RANBP17: variants seen among roughly 807,000 people sequenced by gnomAD.
RANBP17 encodes the protein RAN binding protein 17, also known as ran-binding protein 17.
Under a neutral mutation model 141.2 loss-of-function variants are expected in RANBP17, and 158 were observed. The ratio of observed to expected loss-of-function variants is 1.12; its 90% CI spans 0.98 to 1.28. RANBP17 has a LOEUF of 1.28. Ranked by LOEUF, RANBP17 falls within the 50% of genes most tolerant of loss-of-function variation. RANBP17 has a pLI of 0.00. For synonymous variants in RANBP17, 430 were observed against 450.0 expected, an observed-to-expected ratio of 0.96 and a Z score of 0.56; for missense variants, 1,438 against 1,290.7, an observed-to-expected ratio of 1.11 and a Z score of -1.75.
At chr5:170,929,024 T>C (rs1398539891) in intron 12 of RANBP17, among the ~76,000 whole-genome samples, 1 of 152,086 alleles carries the variant, frequency 6.6e-6, no homozygotes, top group Non-Finnish European at 1.5e-5. Flanking sequence ...CCTATGTATT[T>C]TTGATGCTAT....
intron 22 of RANBP17, among the ~76,000 whole-genome samples, chr5:171,222,776 AC>A (rs1763650330): frequency 1.3e-5 from 2 of 152,090 alleles, no homozygotes; most frequent in African/African-American, 4.8e-5. Flanking sequence ...GGTTATAGGC[AC>A]GCCACCACGC....
intron 18 of RANBP17, among the ~76,000 whole-genome samples, chr5:171,186,370 G>A (rs184698469): frequency 9.2e-5 from 14 of 152,116 alleles, no homozygotes; most frequent in Non-Finnish European, 1.8e-4. Flanking sequence ...TTAGGTTATG[G>A]AGGCATCATC....
intron 24 of RANBP17, among the ~76,000 whole-genome samples, chr5:171,256,544 T>C (rs1233722265): frequency 1.3e-5 from 2 of 151,748 alleles, no homozygotes; most frequent in East Asian, 3.9e-4. Context: ...AAATTAGCAG[T>C]AGAAAAGAAA....
intron 22 of RANBP17, among the ~76,000 whole-genome samples, chr5:171,232,012 A>C (rs543193218): frequency 6.6e-6 from 1 of 152,356 alleles, no homozygotes; most frequent in East Asian, 1.9e-4. Flanking sequence ...TTATCTTTTA[A>C]GATTACCTAG....
At chr5:171,055,234 C>T (rs1053114390) in intron 14 of RANBP17, among the ~76,000 whole-genome samples, 17 of 152,150 alleles carry the variant, frequency 1.1e-4, no homozygotes, top group African/African-American at 4.1e-4. Flanking sequence ...CATTACTCAT[C>T]CCTCTTGTTT....
chr5:170,994,226 G>A (rs1778681306), intron 14 of RANBP17, among the ~76,000 whole-genome samples: 1 of 151,914 alleles, frequency 6.6e-6, no homozygotes, highest in African/African-American at 2.4e-5. Flanking sequence ...TCCTAGTCTT[G>A]TTTCACCTGT....
chr5:171,227,547 G>A (rs911497431), intron 22 of RANBP17, among the ~76,000 whole-genome samples: 1 of 152,358 alleles, frequency 6.6e-6, no homozygotes, highest in South Asian at 2.1e-4. Flanking sequence ...AGCAGCAAGT[G>A]CTGATGGAGA....
intron 14 of RANBP17, among the ~76,000 whole-genome samples, chr5:170,980,324 C>T (rs1777674227): frequency 6.6e-6 from 1 of 152,166 alleles, no homozygotes; most frequent in Non-Finnish European, 1.5e-5. Context: ...TGCAAGCTGG[C>T]TGCAGAAATT....
chr5:171,005,660 A>T (rs1280372018), intron 14 of RANBP17, among the ~76,000 whole-genome samples: 2 of 152,248 alleles, frequency 1.3e-5, no homozygotes, highest in African/African-American at 4.8e-5. Context: ...AACCTAGGAA[A>T]TACCATTCAG....
intron 2 of RANBP17, among the ~76,000 whole-genome samples, chr5:170,878,483 C>T (rs1049182579): frequency 1.6e-4 from 24 of 152,090 alleles, no homozygotes; most frequent in Non-Finnish European, 2.9e-4. Context: ...TTCTTGATTA[C>T]TATTGGTCTC....
At chr5:170,896,932 AC>A in intron 5 of RANBP17, 2 of 708,778 alleles carry the variant, frequency 2.8e-6, no homozygotes. Flanking sequence ...CACCAGAATG[AC>A]CCAGTTGGTG....
chr5:171,242,208 A>G (rs1764920834), intron 23 of RANBP17, among the ~76,000 whole-genome samples: 2 of 151,626 alleles, frequency 1.3e-5, no homozygotes, highest in South Asian at 2.1e-4. Context: ...TCATGCACTT[A>G]TCTTTTGCCT....
intron 8 of RANBP17, among the ~76,000 whole-genome samples, chr5:170,916,237 ATG>A (rs1771948315): frequency 1.7e-4 from 5 of 29,224 alleles, no homozygotes; most frequent in African/African-American, 4.7e-4. Flanking sequence ...TTGCATTATA[ATG>A]CGTTATATTC....
At chr5:170,955,074 G>C (rs1775512784) in intron 13 of RANBP17, among the ~76,000 whole-genome samples, 1 of 152,058 alleles carries the variant, frequency 6.6e-6, no homozygotes, top group South Asian at 2.1e-4. Flanking sequence ...AATGCCTGGT[G>C]ATCTGAGGTG....
At chr5:170,944,561 A>G (rs992926483) in intron 12 of RANBP17, among the ~76,000 whole-genome samples, 1 of 152,212 alleles carries the variant, frequency 6.6e-6, no homozygotes, top group African/African-American at 2.4e-5. Context: ...AGCCACTGCA[A>G]CCAGCTCCAA....
At chr5:171,205,924 C>A (rs770549572) in intron 20 of RANBP17, 8 of 416,096 alleles carry the variant, frequency 1.9e-5, no homozygotes, top group Admixed American at 1.0e-4. Context: ...ATCAATGAAT[C>A]CTACCATTTG....
At chr5:171,137,370 T>C (rs1757355512) in intron 14 of RANBP17, among the ~76,000 whole-genome samples, 1 of 152,066 alleles carries the variant, frequency 6.6e-6, no homozygotes, top group Admixed American at 6.5e-5. Flanking sequence ...GACTGCATGG[T>C]GGGGTAAATA....
intron 14 of RANBP17, among the ~76,000 whole-genome samples, chr5:171,137,608 G>GTGTGTGTGTGTGTC (rs1757395345): frequency 1.4e-5 from 2 of 143,728 alleles, no homozygotes; most frequent in African/African-American, 5.3e-5. Flanking sequence ...GTGTGTGTCT[G>GTGTGTGTGTGTGTC]TGTGTGTGTG....
At chr5:170,892,103 C>CT (rs1169984601) in intron 3 of RANBP17, among the ~76,000 whole-genome samples, 1 of 145,104 alleles carries the variant, frequency 6.9e-6, no homozygotes, top group Non-Finnish European at 1.5e-5. Context: ...AATACTGCAA[C>CT]TTTTTTGTTT....
Sources: gnomAD v4.1 joint callset for allele counts (sites outside exome capture counted in the v4.1 genomes callset) on GRCh38, gnomAD v4.1.1 for gene constraint, MANE v1.5 for transcripts, NCBI Gene and HGNC (gene_info 2026-07-23, HGNC 2026-07-21) for gene names.